The following CNTNAP2 variants were observed in gnomAD, a reference collection of about 807,000 sequenced individuals.
CNTNAP2 encodes contactin associated protein 2.
A neutral mutation model predicts 155.2 loss-of-function variants in CNTNAP2; 98 were observed. That is an observed-to-expected ratio of 0.63 (90% CI 0.54 to 0.75). The LOEUF is 0.75. CNTNAP2 is among the 30% of genes least tolerant of loss of function. The pLI is 0.00. For missense variants in CNTNAP2, 1,727 were observed against 1,688.1 expected (o/e 1.02, Z -0.40); for synonymous variants, 651 against 631.2 (o/e 1.03, Z -0.47).
rs1335288764 is a variant in CNTNAP2 at position 146,438,182 on chromosome 7, T to C, written c.97+321209T>C. The stretch of plus-strand genomic sequence containing the variant: ...GCCCGGAATGCCTAGTATACATATG[T>C]GCAATTCGTATCATATAATAAAAAA... On this transcript the variant is annotated intron_variant, in intron 1 of 23. Transcript: ENST00000361727. Among the ~76,000 whole-genome samples, 3 of 151,372 alleles carry C rather than the reference T, an allele frequency of 2.0e-5. No individual in the cohort carries two copies. In the East Asian group the frequency reaches 5.8e-4, roughly 29 times the overall value.
In CNTNAP2 at chr7:147,222,819, T is replaced by G. The variant is rs560122177; in HGVS notation, c.1349-77322T>G. On this transcript the variant is annotated intron_variant, in intron 8 of 23. Transcript: ENST00000361727. The stretch of plus-strand genomic sequence containing the variant: ...CACAAGTGTTTCTCAGGGTTTTTTT[T>G]TTTTTTTTTTTTTTCTGCCTCGTTA... 4.3e-3 allele frequency among the ~76,000 whole-genome samples: 635 copies of G among 149,356 alleles called. 3 individuals are homozygous for G. The highest frequency in any genetic ancestry group is 0.015 in the African/African-American group (594 of 40,420).
intron 8 of CNTNAP2, among the ~76,000 whole-genome samples, chr7:147,240,349 T>G (rs1803908344): frequency 6.6e-6 from 1 of 152,168 alleles, no homozygotes; most frequent in African/African-American, 2.4e-5. Context: ...TGCATAGTAT[T>G]TATTTTATAA....
intron 1 of CNTNAP2, among the ~76,000 whole-genome samples, chr7:146,368,308 C>CAT (rs913134093): frequency 1.3e-5 from 2 of 152,050 alleles, no homozygotes; most frequent in Non-Finnish European, 2.9e-5. Context: ...CAGACATAAA[C>CAT]ATATATATGT....
chr7:147,510,572 CA>C (rs202226729), intron 11 of CNTNAP2, among the ~76,000 whole-genome samples: 1,956 of 129,638 alleles, frequency 0.015, 57 homozygotes, highest in African/African-American at 0.05. Flanking sequence ...CAAATGGTTC[CA>C]AAAAAAAAAA....
chr7:146,181,777 C>T (rs1436611654), intron 1 of CNTNAP2, among the ~76,000 whole-genome samples: 1 of 152,098 alleles, frequency 6.6e-6, no homozygotes, highest in Non-Finnish European at 1.5e-5. Flanking sequence ...TTTTCTAAGT[C>T]TTGTCCCACA....
intron 3 of CNTNAP2, among the ~76,000 whole-genome samples, chr7:146,988,482 C>T (rs1314116750): frequency 6.6e-6 from 1 of 152,070 alleles, no homozygotes; most frequent in Non-Finnish European, 1.5e-5. Context: ...AGCCTGATAT[C>T]CTTTGAAATG....
chr7:148,018,151 C>A (rs745732838), intron 15 of CNTNAP2, among the ~76,000 whole-genome samples: 1 of 152,194 alleles, frequency 6.6e-6, no homozygotes, highest in African/African-American at 2.4e-5. Context: ...CTGGTACCTG[C>A]AATTTCTGAC....
At position 147,223,693 on chromosome 7, in the gene CNTNAP2, A is replaced by G. The variant is rs575413658; in HGVS notation, c.1349-76448A>G. Among the ~76,000 whole-genome samples the G allele has an allele frequency of 2.6e-5, 4 of 152,312 alleles. No individual in the cohort carries two copies. In the South Asian group the frequency reaches 8.3e-4, roughly 32 times the overall value. On this transcript the variant is annotated intron_variant, in intron 8 of 23. Transcript: ENST00000361727. Reference sequence around the variant, plus strand: ...AGCGGTGGCTCACGCCTCTAATCCCAGCACTTTGGGAGGCCGAGGCAGGCG... The same window carrying G: ...AGCGGTGGCTCACGCCTCTAATCCCGGCACTTTGGGAGGCCGAGGCAGGCG...
rs184877026 is a variant in CNTNAP2 at position 147,334,167 on chromosome 7, A to C, written c.1498+33877A>C. Among the ~76,000 whole-genome samples, 5 of 152,222 alleles carry C rather than the reference A, an allele frequency of 3.3e-5. No individual in the cohort carries two copies. The East Asian group carries it at 9.7e-4, about 29-fold the overall frequency. On this transcript the variant is annotated intron_variant, in intron 9 of 23. Transcript: ENST00000361727. ...GCTAATGTCTTAATCCAACACTTCT[A>C]TTCTCCCCTTTGGTACATCAATCCA... is the stretch of plus-strand genomic sequence containing the variant.
At chr7:147,419,493 G>A (rs10500186) in intron 10 of CNTNAP2, among the ~76,000 whole-genome samples, 23,044 of 152,090 alleles carry the variant, frequency 0.15, 1,987 homozygotes, top group East Asian at 0.35. Flanking sequence ...ACATCATACT[G>A]TCTAGCAAGA....
chr7:146,921,692 C>T (rs1270302216), intron 3 of CNTNAP2, among the ~76,000 whole-genome samples: 1 of 152,062 alleles, frequency 6.6e-6, no homozygotes, highest in Non-Finnish European at 1.5e-5. Context: ...CACCTGGCCC[C>T]ACCTTTGACA....
intron 1 of CNTNAP2, among the ~76,000 whole-genome samples, chr7:146,759,711 A>AAAAAAAG (rs1309834469): frequency 1.3e-4 from 8 of 60,762 alleles, no homozygotes; most frequent in South Asian, 5.8e-4. Flanking sequence ...AAAAAAAAAA[A>AAAAAAAG]GGTGGGTGGG....
At chr7:147,310,911 G>A (rs1795112397) in intron 9 of CNTNAP2, among the ~76,000 whole-genome samples, 1 of 152,168 alleles carries the variant, frequency 6.6e-6, no homozygotes. Flanking sequence ...TGGGTCAGTG[G>A]ATAGAAAATT....
intron 15 of CNTNAP2, among the ~76,000 whole-genome samples, chr7:148,074,461 C>T (rs1208824903): frequency 1.3e-5 from 2 of 152,098 alleles, no homozygotes; most frequent in African/African-American, 2.4e-5. Flanking sequence ...GAGGCCGAGG[C>T]GGGTTGATCA....
At chr7:146,889,487 A>G (rs1254754419) in intron 3 of CNTNAP2, among the ~76,000 whole-genome samples, 2 of 152,206 alleles carry the variant, frequency 1.3e-5, no homozygotes, top group Middle Eastern at 3.4e-3. Flanking sequence ...TGTCTTCCCA[A>G]TACTAAGCTG....
chr7:146,847,269 A>C (rs184596022), intron 3 of CNTNAP2, among the ~76,000 whole-genome samples: 14 of 152,330 alleles, frequency 9.2e-5, no homozygotes, highest in Admixed American at 5.2e-4. Flanking sequence ...TTTAGGGCAC[A>C]GTAAATCATG....
At chr7:146,886,781 C>T (rs1049117904) in intron 3 of CNTNAP2, among the ~76,000 whole-genome samples, 2 of 149,620 alleles carry the variant, frequency 1.3e-5, no homozygotes, top group African/African-American at 4.9e-5. Context: ...CTAGTATAGC[C>T]TCCTATGTCA....
chr7:148,167,387 C>A (rs1443807425), intron 17 of CNTNAP2, among the ~76,000 whole-genome samples: 1 of 152,128 alleles, frequency 6.6e-6, no homozygotes, highest in Non-Finnish European at 1.5e-5. Context: ...GATCTGCCCG[C>A]CTTGGCCTCC....
chr7:148,276,063 G>A lies in CNTNAP2; in HGVS notation c.3475+8937G>A, dbSNP rs114379656. Among the ~76,000 whole-genome samples the A allele has an allele frequency of 4.6e-3, 705 of 152,200 alleles. 2 individuals carry two copies. Among genetic ancestry groups the A allele is most frequent in the Non-Finnish European group, 5.7e-3 (385 of 67,994 alleles). Reference sequence around the variant, plus strand: ...CATAAGCAGGGTTCAGATCAAAGGCGGCTTTACCAGCAGGGCCACATGTCC... The same window carrying A: ...CATAAGCAGGGTTCAGATCAAAGGCAGCTTTACCAGCAGGGCCACATGTCC... On this transcript the variant is annotated intron_variant, in intron 21 of 23. Transcript: ENST00000361727.
Sources: gnomAD v4.1 joint callset for allele counts (sites outside exome capture counted in the v4.1 genomes callset) on GRCh38, gnomAD v4.1.1 for gene constraint, MANE v1.5 for transcripts, NCBI Gene and HGNC (gene_info 2026-07-23, HGNC 2026-07-21) for gene names.